The following TNFRSF19 variants were observed in gnomAD, a reference collection of about 807,000 sequenced individuals.
The protein encoded by TNFRSF19 is TNF receptor superfamily member 19, also known as tumor necrosis factor receptor superfamily member 19.
Under a neutral mutation model 46.4 loss-of-function variants are expected in TNFRSF19, and 27 were observed. The ratio of observed to expected loss-of-function variants is 0.58; its 90% CI spans 0.43 to 0.80. TNFRSF19 has a LOEUF of 0.80. Among genes scored for constraint, TNFRSF19 ranks in the 30% least tolerant of loss-of-function variants. The probability of loss-of-function intolerance (pLI) is 0.00; values close to 1 mark genes in which losing one functional copy is unlikely to be tolerated. For synonymous variants in TNFRSF19, 204 were observed against 205.0 expected, an observed-to-expected ratio of 1.00 and a Z score of 0.04; for missense variants, 511 against 530.8, an observed-to-expected ratio of 0.96 and a Z score of 0.37.
intron 3 of TNFRSF19, among the ~76,000 whole-genome samples, 197 bp from the exon 4 acceptor site, chr13:23,615,670 A>G (rs1415016193): frequency 6.6e-6 from 1 of 152,248 alleles, no homozygotes; most frequent in Non-Finnish European, 1.5e-5. Context: ...AAAGTGGATG[A>G]CTAAGTGGAC....
At chr13:23,591,773 TG>T (rs1195583482) in intron 2 of TNFRSF19, among the ~76,000 whole-genome samples, 1 of 150,370 alleles carries the variant, frequency 6.7e-6, no homozygotes, top group Non-Finnish European at 1.5e-5. Flanking sequence ...GTCACCAGGC[TG>T]GAGTGCAGTG....
intron 1 of TNFRSF19, among the ~76,000 whole-genome samples, chr13:23,584,955 G>A (rs973387027): frequency 3.3e-5 from 5 of 152,166 alleles, no homozygotes; most frequent in Admixed American, 1.3e-4. Flanking sequence ...TTTGGAAATA[G>A]CATTACTCTA....
chr13:23,616,029 G>A lies in TNFRSF19; in HGVS notation c.343G>A (p.Gly115Arg), dbSNP rs781557698. Residue 115 changes from glycine to arginine, a missense_variant, in exon 4 of 10, where the codon GGG (glycine) becomes AGG (arginine). Gly to Arg is a moderately radical substitution (Grantham distance 125). Around this residue, in one of 3 missense-constraint regions of TNFRSF19, gnomAD observed 14 missense variants for 34.1 expected, o/e 0.41. Coordinates refer to ENST00000248484, the MANE Select transcript of TNFRSF19 (RefSeq NM_148957.4). Reference protein sequence around the residue: ...NCSATSDAICGDCLPGFYRKT... With the variant: ...NCSATSDAICRDCLPGFYRKT... Reference sequence around the variant, plus strand: ...TTCAGCCACCAGTGATGCCATCTGCGGGGACTGCTTGCCAGGGTGAGTTGG... The same window carrying A: ...TTCAGCCACCAGTGATGCCATCTGCAGGGACTGCTTGCCAGGGTGAGTTGG... 12 of 1,599,112 alleles carry A rather than the reference G, an allele frequency of 7.5e-6. No individual in the cohort carries two copies. The highest frequency in any genetic ancestry group is 3.4e-5 in the South Asian group (3 of 89,458).
chr13:23,579,956 G>A (rs899472193), intron 1 of TNFRSF19, among the ~76,000 whole-genome samples: 1 of 152,236 alleles, frequency 6.6e-6, no homozygotes, highest in African/African-American at 2.4e-5. Flanking sequence ...TCTCGGGGCC[G>A]CATCCCGGAC....
rs1295074102 is a variant in TNFRSF19, at chr13:23,598,135, A to G, written c.180+4680A>G. Reference sequence around the variant, plus strand: ...TATTTATGACAAACCCACAGCTAATATCATAGTGAATGGGCAAAAGCTGGA... The same window carrying G: ...TATTTATGACAAACCCACAGCTAATGTCATAGTGAATGGGCAAAAGCTGGA... On this transcript the variant is annotated intron_variant, in intron 3 of 9. Transcript: ENST00000248484. 4.6e-5 allele frequency among the ~76,000 whole-genome samples: 7 copies of G among 152,198 alleles called. No homozygotes were observed. In the South Asian group the frequency reaches 8.3e-4, roughly 18 times the overall value.
chr13:23,668,818 T>C lies in TNFRSF19; in HGVS notation c.966T>C (p.Phe322=). The C allele has an allele frequency of 6.2e-7, 1 of 1,614,260 alleles. No homozygotes were observed. Among genetic ancestry groups the C allele is most frequent in the Non-Finnish European group, 8.5e-7 (1 of 1,180,046 alleles). ...CCATGGGTGGTGACAACATCTCTTT[T>C]TGTGACTCTTATCCTGAACTCACTG... ...QNPMGGDNIS[F]CDSYPELTGE... Residue 322 remains phenylalanine (F), a synonymous_variant, in exon 9 of 10, where the codon TTT becomes TTC. Coordinates refer to ENST00000248484, the MANE Select transcript of TNFRSF19 (RefSeq NM_148957.4).
chr13:23,585,361 C>T (rs1015949055), intron 1 of TNFRSF19: 2 of 152,124 alleles, frequency 1.3e-5, no homozygotes, highest in East Asian at 1.9e-4. Context: ...CATATGTTTT[C>T]GTCATTTACA....
chr13:23,626,872 T>C, intron 5 of TNFRSF19, 80 bp downstream of exon 5: 1 of 1,410,130 alleles, frequency 7.1e-7, no homozygotes, highest in Non-Finnish European at 9.8e-7. Context: ...GTTTCTTCTC[T>C]GGCAGATGGA....
intron 5 of TNFRSF19, among the ~76,000 whole-genome samples, chr13:23,653,505 A>G (rs1883782035): frequency 6.6e-6 from 1 of 152,198 alleles, no homozygotes; most frequent in African/African-American, 2.4e-5. Context: ...GCAATTGTAA[A>G]TAGATTGGTG....
intron 3 of TNFRSF19, 24 bp from the exon 4 acceptor site, chr13:23,615,843 T>C: frequency 6.4e-7 from 1 of 1,558,638 alleles, no homozygotes; most frequent in Non-Finnish European, 8.7e-7. Flanking sequence ...TGAATAGCTT[T>C]CTGTTACCCG....
At chr13:23,589,863 AG>A (rs1566167448) in intron 1 of TNFRSF19, among the ~76,000 whole-genome samples, 1 of 132,520 alleles carries the variant, frequency 7.5e-6, no homozygotes, top group Non-Finnish European at 1.6e-5. Context: ...GCTGCTGTAG[AG>A]AACATGGGTA....
At chr13:23,600,122 A>G (rs564678565) in intron 3 of TNFRSF19, among the ~76,000 whole-genome samples, 2 of 152,346 alleles carry the variant, frequency 1.3e-5, no homozygotes, top group South Asian at 2.1e-4. Context: ...GAATCAGACC[A>G]TAAGATGAAA....
At chr13:23,634,749 T>C (rs1882567537) in intron 5 of TNFRSF19, among the ~76,000 whole-genome samples, 2 of 152,128 alleles carry the variant, frequency 1.3e-5, no homozygotes, top group Non-Finnish European at 2.9e-5. Context: ...ATAGGGAGCA[T>C]TCACCCTCTT....
chr13:23,656,304 G>A lies in TNFRSF19; in HGVS notation c.446-2746G>A, dbSNP rs953461537. On this transcript the variant is annotated intron_variant, in intron 5 of 9. Coordinates refer to ENST00000248484, the MANE Select transcript of TNFRSF19 (RefSeq NM_148957.4). ...TATTAGATATGTGTTAACAAGACAC[G>A]TTTAGAGAACATAAATCCTGAGTTA... Among the ~76,000 whole-genome samples the A allele has an allele frequency of 3.9e-5, 6 of 152,244 alleles. No individual in the cohort carries two copies. The South Asian group carries it at 8.3e-4, about 21-fold the overall frequency.
intron 5 of TNFRSF19, 63 bp downstream of exon 5, chr13:23,626,855 T>G (rs1882049550): frequency 9.1e-6 from 14 of 1,542,134 alleles, no homozygotes; most frequent in Non-Finnish European, 1.2e-5. Context: ...AGTTTAAATT[T>G]GTAAACGTTT....
rs576348660 is a variant in TNFRSF19, at chr13:23,648,355, A to G, written c.446-10695A>G. On this transcript the variant is annotated intron_variant, in intron 5 of 9. Transcript: ENST00000248484. ...TTTTAGTCTTTTTGATATTTTGTAA[A>G]CGGAATTATTTTCTTAATCTGCTTC... Among the ~76,000 whole-genome samples, 7 of 152,250 alleles carry G rather than the reference A, an allele frequency of 4.6e-5. No individual in the cohort carries two copies. In the East Asian group the frequency reaches 1.3e-3, roughly 29 times the overall value.
intron 4 of TNFRSF19, among the ~76,000 whole-genome samples, chr13:23,625,326 C>CTTTTTTTTTT (rs67965421): frequency 9.3e-6 from 1 of 107,330 alleles, no homozygotes; most frequent in Non-Finnish European, 1.8e-5. Context: ...TGATTGTATT[C>CTTTTTTTTTT]TTTTTTTTTT....
intron 5 of TNFRSF19, among the ~76,000 whole-genome samples, chr13:23,638,296 A>G (rs1266329799): frequency 7.8e-6 from 1 of 128,296 alleles, no homozygotes; most frequent in Non-Finnish European, 1.8e-5. Context: ...TTTCAATGTT[A>G]ATGATGGTAT....
At chr13:23,592,792 C>T (rs138342508) in intron 2 of TNFRSF19, among the ~76,000 whole-genome samples, 1,744 of 152,290 alleles carry the variant, frequency 0.011, 15 homozygotes, top group Non-Finnish European at 0.014. Flanking sequence ...TCATCAAAAC[C>T]GCATGGCAGA....
Sources: gnomAD v4.1 joint callset for allele counts (sites outside exome capture counted in the v4.1 genomes callset) on GRCh38, gnomAD v4.1.1 for gene constraint, gnomAD v4.1.1 regional missense constraint, MANE v1.5 for transcripts, NCBI Gene and HGNC (gene_info 2026-07-23, HGNC 2026-07-21) for gene names.